CDC37: variants seen among roughly 807,000 people sequenced by gnomAD.
CDC37 encodes cell division cycle 37, HSP90 cochaperone, also known as hsp90 co-chaperone Cdc37.
A neutral mutation model predicts 46.9 loss-of-function variants in CDC37; 9 were observed. The observed-to-expected ratio is 0.19, with a 90% confidence interval of 0.12 to 0.33. The LOEUF is 0.33. CDC37 is among the 10% of genes least tolerant of loss of function. The pLI, the probability that CDC37 is intolerant of heterozygous loss-of-function variation, is 1.00. For synonymous variants in CDC37, 193 were observed against 191.0 expected (o/e 1.01, Z -0.09); for missense variants, 388 against 514.6 (o/e 0.75, Z 2.38).
rs550418881 is a variant in CDC37 at position 10,403,524 on chromosome 19, G to A, written c.-45C>T. The A allele has an allele frequency of 3.2e-5, 47 of 1,463,024 alleles. No individual in the cohort carries two copies. The highest frequency in any genetic ancestry group is 1.0e-4 in the Admixed American group (6 of 57,996). 90.6% of individuals were successfully genotyped at this position (1,463,024 alleles called of 1,614,324 possible). A position where few individuals can be genotyped will look rare whatever the true frequency, so the allele number is the denominator to read the frequency against. ...CCGCTCCGGCTCGGGTGGCGGCGAC[G>A]GCGGCAGCAGTGGAGACTAGGAGCG... is the stretch of plus-strand genomic sequence containing the variant. On this transcript the variant is annotated 5_prime_UTR_variant, in exon 1 of 8. Coordinates refer to ENST00000222005, the MANE Select transcript of CDC37 (RefSeq NM_007065.4).
At chr19:10,397,311 G>A (rs2042497430) in intron 1 of CDC37, among the ~76,000 whole-genome samples, 1 of 151,476 alleles carries the variant, frequency 6.6e-6, no homozygotes, top group African/African-American at 2.4e-5. Flanking sequence ...AGACTAGAGT[G>A]CAGTGGTGTG....
At chr19:10,395,699 T>TG in intron 2 of CDC37, 156 bp from the exon 3 acceptor site, 1 of 791,054 alleles carries the variant, frequency 1.3e-6, no homozygotes, top group Middle Eastern at 2.3e-4. Context: ...GCATGGGCCT[T>TG]GGGGCAGATC....
chr19:10,394,527 A>ATTT (rs1568354266), intron 5 of CDC37, among the ~76,000 whole-genome samples: 1 of 151,496 alleles, frequency 6.6e-6, no homozygotes, highest in Non-Finnish European at 1.5e-5. Context: ...TTATTTAATT[A>ATTT]ATTAATTTAT....
In CDC37 at chr19:10,393,123, T is replaced by C; in HGVS notation, c.944A>G (p.Gln315Arg). The C allele has an allele frequency of 1.9e-6, 3 of 1,613,972 alleles. No individual in the cohort carries two copies. The highest frequency in any genetic ancestry group is 1.6e-4 in the Middle Eastern group (1 of 6,062). ...LQKCFDVKDV[Q>R]MLQDAISKMD... The stretch of plus-strand genomic sequence containing the variant: ...CTTGCTGATGGCGTCCTGCAGCATC[T>C]GCACGTCCTTCACATCGAAGCACTT... Residue 315 changes from glutamine (Q) to arginine (R), a missense_variant, in exon 7 of 8, where the codon CAG (glutamine) becomes CGG (arginine). Transcript: ENST00000222005. The surrounding 1 kb of genome is among the most constrained non-coding windows in gnomAD (Gnocchi z 4.9).
intron 1 of CDC37, among the ~76,000 whole-genome samples, chr19:10,397,755 G>A (rs2042499600): frequency 6.6e-6 from 1 of 151,954 alleles, no homozygotes; most frequent in Non-Finnish European, 1.5e-5. Context: ...CAGGATCACT[G>A]CCAAGGCCCT....
At chr19:10,397,828 C>T (rs1464890152) in intron 1 of CDC37, among the ~76,000 whole-genome samples, 2 of 152,112 alleles carry the variant, frequency 1.3e-5, no homozygotes, top group Non-Finnish European at 2.9e-5. Flanking sequence ...ACCTGCTTCC[C>T]GCTCACCCCA....
rs1372153469 is a variant in CDC37 at position 10,396,466 on chromosome 19, A to G, written c.103-263T>C. On this transcript the variant is annotated intron_variant, in intron 1 of 7. Coordinates refer to ENST00000222005, the MANE Select transcript of CDC37 (RefSeq NM_007065.4). The surrounding 1 kb of genome is among the most constrained non-coding windows in gnomAD (Gnocchi z 5.9). The stretch of plus-strand genomic sequence containing the variant: ...TGTCACCACAGCCTACATGGGCCCT[A>G]CACAATCTGCCTCGGCACCTCCCCT... Among the ~76,000 whole-genome samples, 2 of 152,100 alleles carry G rather than the reference A, an allele frequency of 1.3e-5. No homozygotes were observed. Among genetic ancestry groups the G allele is most frequent in the Non-Finnish European group, 2.9e-5 (2 of 67,996 alleles).
Position 10,391,519 on chromosome 19 carries a change from T to TGGAA in CDC37, c.*28_*31dup. The TGGAA allele has an allele frequency of 6.2e-7, 1 of 1,613,472 alleles. No homozygotes were observed. On this transcript the variant is annotated 3_prime_UTR_variant, in exon 8 of 8. Coordinates refer to ENST00000222005, the MANE Select transcript of CDC37 (RefSeq NM_007065.4). ...TTCTGAAAAGGGGCACATAGGGGCCTGGAAGCAGGTGGCGGTGGTAGCTGG... is the reference window on the plus strand; with the variant it reads ...TTCTGAAAAGGGGCACATAGGGGCCTGGAAGGAAGCAGGTGGCGGTGGTAGCTGG...
In CDC37 at chr19:10,392,959, G is replaced by A. The variant is rs576588015; in HGVS notation, c.981+127C>T. The A allele has an allele frequency of 3.9e-4, 307 of 779,876 alleles. No homozygotes were observed. The African/African-American group carries it at 4.6e-3, about 12-fold the overall frequency. The allele number at this position is 779,876 out of a possible 1,614,324, so 48.3% of individuals were successfully genotyped here. ...ATGTGGGTGTGTGCCAAGGTGACAC[G>A]ACCCCCCTTACTCCTTGGAGAAGCC... On this transcript the variant is annotated intron_variant, in intron 7 of 7. Transcript: ENST00000222005.
chr19:10,394,098 CA>C (rs1394921158), intron 5 of CDC37, among the ~76,000 whole-genome samples: 1 of 151,572 alleles, frequency 6.6e-6, no homozygotes, highest in Non-Finnish European at 1.5e-5. Flanking sequence ...TCAAAAAAAA[CA>C]AAACAACAAC....
intron 1 of CDC37, among the ~76,000 whole-genome samples, chr19:10,402,223 T>A (rs2042522861): frequency 6.7e-6 from 1 of 148,552 alleles, no homozygotes; most frequent in Non-Finnish European, 1.5e-5. Flanking sequence ...GGCACACTCA[T>A]TTGGGGTAGC....
intron 5 of CDC37, among the ~76,000 whole-genome samples, 187 bp downstream of exon 5, chr19:10,394,834 C>A (rs1015599160): frequency 6.6e-6 from 1 of 150,850 alleles, no homozygotes; most frequent in African/African-American, 2.4e-5. Flanking sequence ...GCCCGGCCTC[C>A]ACTTTTAAAG....
chr19:10,395,905 C>T (rs1473671344), intron 2 of CDC37, 23 bp downstream of exon 2: 90 of 499,644 alleles, frequency 1.8e-4, no homozygotes, highest in Non-Finnish European at 3.1e-4. Context: ...ATGCGCACTG[C>T]CCGCCCCGCC....
At chr19:10,394,156 T>TG (rs2042474832) in intron 5 of CDC37, among the ~76,000 whole-genome samples, 1 of 152,034 alleles carries the variant, frequency 6.6e-6, no homozygotes, top group South Asian at 2.1e-4. Flanking sequence ...CCCAGCTACT[T>TG]GGGAGGCTGA....
chr19:10,397,181 C>T (rs2042496667), intron 1 of CDC37, among the ~76,000 whole-genome samples: 1 of 152,186 alleles, frequency 6.6e-6, no homozygotes, highest in South Asian at 2.1e-4. Flanking sequence ...AACGTGTTCG[C>T]CATTTTGTTC....
chr19:10,398,488 T>A lies in CDC37; in HGVS notation c.103-2285A>T, dbSNP rs1229362455. On this transcript the variant is annotated intron_variant, in intron 1 of 7. Transcript: ENST00000222005. This position sits in a 1 kb window ranked among gnomAD's most constrained non-coding sequence, Gnocchi z 4.2. The stretch of plus-strand genomic sequence containing the variant: ...TGGGTCCTAGCCCACAGCCACCATG[T>A]ACCGGCTGGGTATCCCGGGCCATCC... Among the ~76,000 whole-genome samples the A allele has an allele frequency of 6.6e-6, 1 of 152,264 alleles. No individual in the cohort carries two copies. Among genetic ancestry groups the A allele is most frequent in the Non-Finnish European group, 1.5e-5 (1 of 68,048 alleles).
Position 10,396,162 on chromosome 19 carries a change from C to T in CDC37, c.144G>A (p.Glu48=), listed in dbSNP as rs2042491307. 6.2e-7 allele frequency: 1 copy of T among 1,614,102 alleles called. No individual in the cohort carries two copies. The highest frequency in any genetic ancestry group is 8.5e-7 in the Non-Finnish European group (1 of 1,180,006). Residue 48 remains glutamate, a synonymous_variant, in exon 2 of 8, where the codon GAG becomes GAA. Transcript: ENST00000222005. This position sits in a 1 kb window ranked among gnomAD's most constrained non-coding sequence, Gnocchi z 5.9. ...ERMEQFQKEK[E]ELDRGCRECK... The stretch of plus-strand genomic sequence containing the variant: ...ACTCGCGGCAGCCCCTGTCCAGTTC[C>T]TCCTTCTCCTTCTGGAACTGCTCCA...
Position 10,393,735 on chromosome 19 carries a change from T to C in CDC37, c.727-294A>G, listed in dbSNP as rs2042471695. Reference sequence around the variant, plus strand: ...AACATGGCCACCTCCCAGCCTGCCTTGTCCTTGGTCTCCCTAATCTCGGTA... The same window carrying C: ...AACATGGCCACCTCCCAGCCTGCCTCGTCCTTGGTCTCCCTAATCTCGGTA... On this transcript the variant is annotated intron_variant, in intron 5 of 7. Coordinates refer to ENST00000222005, the MANE Select transcript of CDC37 (RefSeq NM_007065.4). This position sits in a 1 kb window ranked among gnomAD's most constrained non-coding sequence, Gnocchi z 4.9. 2 of 382,772 alleles carry C rather than the reference T, an allele frequency of 5.2e-6. No individual in the cohort carries two copies. Among genetic ancestry groups the C allele is most frequent in the Non-Finnish European group, 4.7e-6 (1 of 211,552 alleles). 23.7% of individuals were successfully genotyped at this position (382,772 alleles called of 1,614,324 possible). A position where few individuals can be genotyped will look rare whatever the true frequency, so the allele number is the denominator to read the frequency against.
At chr19:10,392,025 C>T (rs1225487118) in intron 7 of CDC37, among the ~76,000 whole-genome samples, 1 of 152,192 alleles carries the variant, frequency 6.6e-6, no homozygotes, top group Non-Finnish European at 1.5e-5. Context: ...TGGTCTTGAA[C>T]TCCTGCCCTT....
Sources: gnomAD v4.1 joint callset for allele counts (sites outside exome capture counted in the v4.1 genomes callset) on GRCh38, gnomAD v4.1.1 for gene constraint, Gnocchi (gnomAD v3.1) non-coding constraint, MANE v1.5 for transcripts, NCBI Gene and HGNC (gene_info 2026-07-23, HGNC 2026-07-21) for gene names.